The following LRTM1 variants were observed in gnomAD, a reference collection of about 807,000 sequenced individuals.
LRTM1 encodes leucine rich repeat transmembrane protein 1, also known as leucine-rich repeat and transmembrane domain-containing protein 1.
A neutral mutation model predicts 32.4 loss-of-function variants in LRTM1; 38 were observed. That is an observed-to-expected ratio of 1.17 (90% CI 0.91 to 1.54). LRTM1 has a LOEUF of 1.54. LRTM1 is among the 40% of genes most tolerant of loss of function. LRTM1 has a pLI of 0.00. For missense variants in LRTM1, 466 were observed against 415.4 expected (o/e 1.12, Z -1.06); for synonymous variants, 186 against 169.9 (o/e 1.09, Z -0.74).
At chr3:54,919,880 T>C (rs1411954743) in intron 2 of LRTM1, among the ~76,000 whole-genome samples, 1 of 152,182 alleles carries the variant, frequency 6.6e-6, no homozygotes, top group Non-Finnish European at 1.5e-5. Flanking sequence ...TTCTCCATGC[T>C]CAGTCCAAGT....
At chr3:54,919,343 A>C (rs769769451) in intron 2 of LRTM1, among the ~76,000 whole-genome samples, 5 of 152,230 alleles carry the variant, frequency 3.3e-5, no homozygotes, top group Non-Finnish European at 7.3e-5. Flanking sequence ...TTGTGATGTT[A>C]TGTGTTTATT....
intron 2 of LRTM1, among the ~76,000 whole-genome samples, chr3:54,919,337 G>A (rs554069685): frequency 2.6e-5 from 4 of 152,328 alleles, no homozygotes; most frequent in Admixed American, 2.6e-4. Context: ...GCATTGTTGT[G>A]ATGTTATGTG....
chr3:54,950,744 G>C (rs181374981), intron 1 of LRTM1, among the ~76,000 whole-genome samples: 1 of 152,274 alleles, frequency 6.6e-6, no homozygotes, highest in Admixed American at 6.5e-5. Context: ...CATCAGTTGA[G>C]CTGAGCCTCA....
chr3:54,937,133 A>G (rs1339289003), intron 1 of LRTM1, among the ~76,000 whole-genome samples: 1 of 152,166 alleles, frequency 6.6e-6, no homozygotes, highest in Admixed American at 6.5e-5. Context: ...AGACACCCTT[A>G]CTTAAAAATA....
chr3:54,924,579 G>A, intron 2 of LRTM1, 40 bp downstream of exon 2: 1 of 1,480,606 alleles, frequency 6.8e-7, no homozygotes, highest in African/African-American at 1.4e-5. Flanking sequence ...TCCTAGGCTG[G>A]TAACACACAG....
At chr3:54,920,823 G>T (rs900460239) in intron 2 of LRTM1, among the ~76,000 whole-genome samples, 1 of 152,156 alleles carries the variant, frequency 6.6e-6, no homozygotes, top group Non-Finnish European at 1.5e-5. Flanking sequence ...TGACTAGGGT[G>T]GTTTACCCAA....
Position 54,958,036 on chromosome 3 carries a change from C to T in LRTM1, c.-222+8892G>A, listed in dbSNP as rs542088395. On this transcript the variant is annotated intron_variant, in intron 1 of 2. Transcript: ENST00000493075. The stretch of plus-strand genomic sequence containing the variant: ...TCTCCATCCACATTGCATTCAACCA[C>T]CCCGTGTGTGTTCACAAGTGCCTGC... Among the ~76,000 whole-genome samples, 3 of 152,374 alleles carry T rather than the reference C, an allele frequency of 2.0e-5. No individual in the cohort carries two copies. In the East Asian group the frequency reaches 5.8e-4, roughly 29 times the overall value.
intron 2 of LRTM1, among the ~76,000 whole-genome samples, chr3:54,919,547 T>C (rs1700775948): frequency 6.6e-6 from 1 of 152,180 alleles, no homozygotes; most frequent in African/African-American, 2.4e-5. Flanking sequence ...TAAACCCAGT[T>C]TCCATTACCT....
intron 1 of LRTM1, among the ~76,000 whole-genome samples, chr3:54,958,013 T>C (rs1248023887): frequency 6.6e-6 from 1 of 152,196 alleles, no homozygotes; most frequent in Non-Finnish European, 1.5e-5. Context: ...AATTGATATC[T>C]CCATCCACAT....
In LRTM1 at chr3:54,918,848, T is replaced by G; in HGVS notation, c.649A>C (p.Lys217Gln). The G allele has an allele frequency of 6.3e-7, 1 of 1,575,280 alleles. No homozygotes were observed. Reference sequence around the variant, plus strand: ...GGGATCCTAAGGAGGTCCTTTCCCTTCCAGGTGTCTGGTGATTCACAGATG... The same window carrying G: ...GGGATCCTAAGGAGGTCCTTTCCCTGCCAGGTGTCTGGTGATTCACAGATG... ...GIICESPDTWKGKDLLRIPHE... is the reference protein window; with the variant it reads ...GIICESPDTWQGKDLLRIPHE... Residue 217 changes from lysine to glutamine, a missense_variant, in exon 3 of 3, where the codon AAG becomes CAG. Lys to Gln is a moderately conservative substitution (Grantham distance 53). Transcript: ENST00000273286.
intron 1 of LRTM1, among the ~76,000 whole-genome samples, chr3:54,963,636 A>T (rs977571141): frequency 3.9e-5 from 6 of 152,190 alleles, no homozygotes; most frequent in African/African-American, 1.4e-4. Flanking sequence ...GATCATTGGT[A>T]TTCTGCAAAG....
At chr3:54,959,622 G>A (rs1478436504) in intron 1 of LRTM1, among the ~76,000 whole-genome samples, 1 of 152,068 alleles carries the variant, frequency 6.6e-6, no homozygotes, top group Non-Finnish European at 1.5e-5. Flanking sequence ...TTATTAACTA[G>A]GGAGCTATAA....
At position 54,918,684 on chromosome 3, in the gene LRTM1, G is replaced by A. The variant is rs987806872; in HGVS notation, c.813C>T (p.Cys271=). The A allele has an allele frequency of 9.3e-6, 15 of 1,613,994 alleles. No homozygotes were observed. Among genetic ancestry groups the A allele is most frequent in the East Asian group, 4.5e-5 (2 of 44,870 alleles). The change falls in exon 3 of 3, where the codon TGC becomes TGT. Residue 271 remains cysteine, a synonymous_variant. Coordinates refer to ENST00000273286, the MANE Select transcript of LRTM1 (RefSeq NM_020678.4). ...CCGGCCTTGGCTTGGGTTTGAGCTCGCACTCCAAGAGTTCTCGCTCCCCCG... is the reference window on the plus strand; with the variant it reads ...CCGGCCTTGGCTTGGGTTTGAGCTCACACTCCAAGAGTTCTCGCTCCCCCG... ...HNAGERELLE[C]ELKPKPRPAN...
chr3:54,943,206 A>AC (rs1701521713), intron 1 of LRTM1, among the ~76,000 whole-genome samples: 1 of 151,296 alleles, frequency 6.6e-6, no homozygotes, highest in East Asian at 1.9e-4. Context: ...TCTCTGGTAA[A>AC]AAAAAAAAAA....
At chr3:54,956,081 C>T (rs1197332087) in intron 1 of LRTM1, among the ~76,000 whole-genome samples, 1 of 152,186 alleles carries the variant, frequency 6.6e-6, no homozygotes, top group Non-Finnish European at 1.5e-5. Flanking sequence ...TCTCCCTCCC[C>T]TCCCTCCTCA....
rs202236028 is a variant in LRTM1, at chr3:54,918,415, A to T, written c.*44T>A. On this transcript the variant is annotated 3_prime_UTR_variant, in exon 3 of 3. Transcript: ENST00000273286. The stretch of plus-strand genomic sequence containing the variant: ...AACACATCAGCCCTACTCAGACACT[A>T]TCTTCTGGCCTGCAATGACCAATCC... The T allele has an allele frequency of 3.8e-5, 60 of 1,560,564 alleles. No individual in the cohort carries two copies. In the East Asian group the frequency reaches 1.3e-3, roughly 33 times the overall value.
rs1159394087 is a variant in LRTM1 at position 54,927,919 on chromosome 3, T to C, written c.-8A>G. ...TCAGGGCTCACCTTTCATGACTGAGTCTCCTTGGGCGTCCTTGCTGACCTC... is the reference window on the plus strand; with the variant it reads ...TCAGGGCTCACCTTTCATGACTGAGCCTCCTTGGGCGTCCTTGCTGACCTC... On this transcript the variant is annotated 5_prime_UTR_variant, in exon 1 of 3. Coordinates refer to ENST00000273286, the MANE Select transcript of LRTM1 (RefSeq NM_020678.4). 1.2e-6 allele frequency: 2 copies of C among 1,613,472 alleles called. No individual in the cohort carries two copies. Among genetic ancestry groups the C allele is most frequent in the Non-Finnish European group, 1.7e-6 (2 of 1,179,700 alleles).
At chr3:54,932,718 T>C (rs1431775793), upstream of LRTM1, among the ~76,000 whole-genome samples, 3 of 152,144 alleles carry the variant, frequency 2.0e-5, 1 homozygote, top group South Asian at 6.2e-4. Flanking sequence ...TTCTCCCAAT[T>C]GTAAGGTCTG....
chr3:54,918,447 A>T lies in LRTM1; in HGVS notation c.*12T>A, dbSNP rs780579795. 95 of 1,602,020 alleles carry T rather than the reference A, an allele frequency of 5.9e-5. No homozygotes were observed. Among genetic ancestry groups the T allele is most frequent in the Non-Finnish European group, 7.6e-5 (89 of 1,173,974 alleles). ...GGCCTGCAATGACCAATCCTATTTG[A>T]GACAAAAGCTCTCAGGCTGGTGAGC... On this transcript the variant is annotated 3_prime_UTR_variant, in exon 3 of 3. Coordinates refer to ENST00000273286, the MANE Select transcript of LRTM1 (RefSeq NM_020678.4).
Sources: allele counts gnomAD v4.1 joint callset (sites outside exome capture counted in the v4.1 genomes callset), GRCh38; gene constraint gnomAD v4.1.1; transcripts MANE v1.5; gene names NCBI Gene and HGNC (gene_info 2026-07-23, HGNC 2026-07-21).